BANP: variants seen among roughly 807,000 people sequenced by gnomAD.
BANP encodes the protein BTG3 associated nuclear protein.
In BANP, 11 loss-of-function variants were observed where a neutral mutation model predicts 68.1. The observed-to-expected ratio is 0.16, with a 90% CI of 0.10 to 0.27. The LOEUF (loss-of-function observed/expected upper bound fraction) is 0.27. Among genes scored for constraint, BANP ranks in the 10% least tolerant of loss-of-function variants. BANP has a pLI of 1.00. For missense variants in BANP, 504 were observed against 722.7 expected, an observed-to-expected ratio of 0.70 and a Z score of 3.47; for synonymous variants, 329 against 303.2, an observed-to-expected ratio of 1.09 and a Z score of -0.88.
chr16:88,032,980 G>A (rs1167581173), intron 8 of BANP, 129 bp from the exon 9 acceptor site: 1 of 1,117,590 alleles, frequency 8.9e-7, no homozygotes, highest in East Asian at 2.7e-5. Context: ...AGTGAGTCGA[G>A]GAAAAATGAA....
chr16:87,952,835 C>G (rs2057242262), intron 1 of BANP: 1 of 152,154 alleles, frequency 6.6e-6, no homozygotes, highest in African/African-American at 2.4e-5. Context: ...AATGCAGTAT[C>G]GTGATCTTGG....
intron 11 of BANP, among the ~76,000 whole-genome samples, chr16:88,058,261 A>T (rs1598971121): frequency 6.6e-6 from 1 of 152,110 alleles, no homozygotes; most frequent in African/African-American, 2.4e-5. Flanking sequence ...GCGAACAAAG[A>T]TCCCTTTCTT....
chr16:87,969,741 C>T (rs1022508834), intron 1 of BANP, among the ~76,000 whole-genome samples: 1 of 151,946 alleles, frequency 6.6e-6, no homozygotes, highest in African/African-American at 2.4e-5. Flanking sequence ...ACCATGTTGG[C>T]TAGGCTGGTC....
At chr16:88,067,953 C>T (rs913260682) in intron 12 of BANP, among the ~76,000 whole-genome samples, 6 of 152,250 alleles carry the variant, frequency 3.9e-5, no homozygotes, top group Non-Finnish European at 1.5e-5. Context: ...ATGCCCCCTC[C>T]GTCCCCAACA....
At chr16:88,005,116 G>A (rs1317658387) in intron 5 of BANP, among the ~76,000 whole-genome samples, 1 of 152,150 alleles carries the variant, frequency 6.6e-6, no homozygotes, top group Non-Finnish European at 1.5e-5. Flanking sequence ...TATTGTCTTA[G>A]CTCAGTTCTC....
At chr16:88,041,711 G>T (rs1236560562) in intron 11 of BANP, among the ~76,000 whole-genome samples, 1 of 152,126 alleles carries the variant, frequency 6.6e-6, no homozygotes, top group African/African-American at 2.4e-5. Context: ...GCCAACAGTC[G>T]TGGTGCGCGC....
At chr16:88,042,321 G>C (rs1458596981) in intron 11 of BANP, among the ~76,000 whole-genome samples, 1 of 152,214 alleles carries the variant, frequency 6.6e-6, no homozygotes, top group African/African-American at 2.4e-5. Context: ...GCAGGTGTGG[G>C]GACGCACTGG....
At chr16:88,067,260 GAGCCGCTGGGCTGGGTGTGGGGC>G (rs1310137510) in intron 12 of BANP, among the ~76,000 whole-genome samples, 1 of 152,136 alleles carries the variant, frequency 6.6e-6, no homozygotes, top group African/African-American at 2.4e-5. Context: ...GAGGGGGTCA[GAGCCGCTGGGCTGGGTGTGGGGC>G]GCCACAGTTG....
At chr16:88,028,603 T>TA (rs1293287244) in intron 8 of BANP, among the ~76,000 whole-genome samples, 2 of 152,218 alleles carry the variant, frequency 1.3e-5, no homozygotes, top group African/African-American at 4.8e-5. Context: ...AAGAAGCTCT[T>TA]CTATTCTAGG....
Position 88,054,072 on chromosome 16 carries a change from C to T in BANP, c.1312-11195C>T, listed in dbSNP as rs1462572371. On this transcript the variant is annotated intron_variant, in intron 11 of 13. Coordinates refer to ENST00000682872, the MANE Select transcript of BANP (RefSeq NM_001386991.1). Reference sequence around the variant, plus strand: ...TCATCATCATCACCAACACAACCACCTTCACCACCACCTCTACTGTCATCT... The same window carrying T: ...TCATCATCATCACCAACACAACCACTTTCACCACCACCTCTACTGTCATCT... Among the ~76,000 whole-genome samples the T allele has an allele frequency of 4.9e-5, 5 of 101,040 alleles. 1 individual carries two copies. The highest frequency in any genetic ancestry group is 7.7e-5 in the Non-Finnish European group (3 of 38,714). 66.3% of individuals were successfully genotyped at this position (101,040 alleles called of 152,430 possible). A position where few individuals can be genotyped will look rare whatever the true frequency, so the allele number is the denominator to read the frequency against.
In BANP at chr16:88,004,539, T is replaced by C; in HGVS notation, c.479+128T>C. ...ATCTCTGTGGTCACAGGGTTGAGCC[T>C]GGCAGGCACCGCCCCAGCTCTCTGA... On this transcript the variant is annotated intron_variant, in intron 5 of 13. Transcript: ENST00000682872. The surrounding 1 kb of genome is among the most constrained non-coding windows in gnomAD (Gnocchi z 7.0). The C allele has an allele frequency of 3.3e-6, 2 of 606,506 alleles. No homozygotes were observed. Among genetic ancestry groups the C allele is most frequent in the Non-Finnish European group, 5.7e-6 (2 of 353,606 alleles). The allele number at this position is 606,506 out of a possible 1,614,324, so 37.6% of individuals were successfully genotyped here.
At chr16:88,060,743 G>T (rs1381486295) in intron 11 of BANP, among the ~76,000 whole-genome samples, 2 of 152,112 alleles carry the variant, frequency 1.3e-5, no homozygotes, top group Admixed American at 6.5e-5. Context: ...CGGGCTCCCC[G>T]ACCTGCCCTT....
intron 4 of BANP, among the ~76,000 whole-genome samples, chr16:87,992,639 C>A (rs2066143560): frequency 6.6e-6 from 1 of 151,984 alleles, no homozygotes. Context: ...ACTAAAAATA[C>A]AAAAATTAGC....
At chr16:87,961,774 C>T (rs558206270) in intron 1 of BANP, among the ~76,000 whole-genome samples, 24 of 152,054 alleles carry the variant, frequency 1.6e-4, no homozygotes, top group Non-Finnish European at 2.5e-4. Context: ...CTCAGGAATG[C>T]GTTCAGTGCA....
intron 6 of BANP, among the ~76,000 whole-genome samples, chr16:88,017,659 G>A (rs1257836809): frequency 6.6e-6 from 1 of 152,200 alleles, no homozygotes; most frequent in Non-Finnish European, 1.5e-5. Context: ...GTCACTGCCT[G>A]GGCAGGCAGG....
chr16:87,967,995 C>G (rs1265016115), intron 1 of BANP, among the ~76,000 whole-genome samples: 3 of 146,404 alleles, frequency 2.0e-5, no homozygotes, highest in Non-Finnish European at 3.0e-5. Context: ...CTCAGGTGAT[C>G]CACCCGCCTT....
intron 11 of BANP, among the ~76,000 whole-genome samples, chr16:88,041,154 T>C (rs2080700578): frequency 2.6e-5 from 4 of 152,252 alleles, no homozygotes; most frequent in Admixed American, 2.6e-4. Context: ...GAGATGATTG[T>C]TGCTATTACT....
intron 1 of BANP, among the ~76,000 whole-genome samples, chr16:87,973,065 G>A (rs1363654295): frequency 6.6e-6 from 1 of 151,980 alleles, no homozygotes; most frequent in African/African-American, 2.4e-5. Flanking sequence ...GGAATATGCT[G>A]TCACCTCGTT....
chr16:88,010,505 G>A (rs947215436), intron 6 of BANP, among the ~76,000 whole-genome samples: 11 of 152,244 alleles, frequency 7.2e-5, no homozygotes. Flanking sequence ...AGAGCTGTCA[G>A]CTGTGGCCAT....
Sources: gnomAD v4.1 joint callset for allele counts (sites outside exome capture counted in the v4.1 genomes callset) on GRCh38, gnomAD v4.1.1 for gene constraint, Gnocchi (gnomAD v3.1) non-coding constraint, MANE v1.5 for transcripts, NCBI Gene and HGNC (gene_info 2026-07-23, HGNC 2026-07-21) for gene names.